The following LSM14B variants were observed in gnomAD, a reference collection of about 807,000 sequenced individuals.
LSM14B encodes the protein protein LSM14 homolog B.
A neutral mutation model predicts 42.1 loss-of-function variants in LSM14B; 8 were observed. The ratio of observed to expected loss-of-function variants is 0.19; its 90% CI spans 0.11 to 0.34. The LOEUF (loss-of-function observed/expected upper bound fraction) is 0.34. Among genes scored for constraint, LSM14B ranks in the 10% least tolerant of loss-of-function variants. LSM14B has a pLI of 1.00. For synonymous variants in LSM14B, 219 were observed against 209.7 expected, an observed-to-expected ratio of 1.04 and a Z score of -0.38; for missense variants, 396 against 513.1, an observed-to-expected ratio of 0.77 and a Z score of 2.21.
At chr20:62,128,835 TCA>T in intron 3 of LSM14B, 16 of 790,940 alleles carry the variant, frequency 2.0e-5, no homozygotes, top group Admixed American at 6.7e-5. Context: ...ATTTTTTTTT[TCA>T]TTTCTATTCC....
chr20:62,131,318 CCCT>C (rs2056759321), intron 6 of LSM14B, 35 bp from the exon 7 acceptor site: 1 of 1,557,874 alleles, frequency 6.4e-7, no homozygotes, highest in South Asian at 1.2e-5. Context: ...TGCGCTCTGC[CCCT>C]CCTCCATCTC....
At chr20:62,128,824 A>AG in intron 3 of LSM14B, 1 of 711,472 alleles carries the variant, frequency 1.4e-6, no homozygotes, top group Non-Finnish European at 2.1e-6. Context: ...TTCTACAGTC[A>AG]ATTTTTTTTT....
In LSM14B at chr20:62,133,408, G is replaced by A; in HGVS notation, c.1105G>A (p.Gly369Arg). 6.2e-7 allele frequency: 1 copy of A among 1,613,320 alleles called. No individual in the cohort carries two copies. The highest frequency in any genetic ancestry group is 8.5e-7 in the Non-Finnish European group (1 of 1,179,662). The change falls in exon 8 of 9, where the codon GGG becomes AGG. Residue 369 changes from glycine to arginine, a missense_variant. Transcript: ENST00000279068. ...RGGFRGGRGN[G>R]TTRRNPTSHR... ...CGGATTCCGAGGAGGCAGGGGCAAT[G>A]GGACCACCCGTCGCAACCCCACTTC...
intron 3 of LSM14B, among the ~76,000 whole-genome samples, chr20:62,129,237 C>G (rs1046780922): frequency 4.6e-5 from 7 of 152,156 alleles, no homozygotes; most frequent in African/African-American, 1.4e-4. Context: ...CCTGCTTCAT[C>G]ATTTTTAGTT....
In LSM14B at chr20:62,130,180, T is replaced by C; in HGVS notation, c.596-39T>C. 1 of 1,561,548 alleles carries C rather than the reference T, an allele frequency of 6.4e-7. No homozygotes were observed. The highest frequency in any genetic ancestry group is 2.4e-5 in the East Asian group (1 of 41,632). On this transcript the variant is annotated intron_variant, in intron 4 of 8. Coordinates refer to ENST00000279068, the MANE Select transcript of LSM14B (RefSeq NM_144703.3). The surrounding 1 kb of genome is among the most constrained non-coding windows in gnomAD (Gnocchi z 4.1). ...CAGCTGGGTTCTGGCTTCCGGCTGC[T>C]ATAGGAGCTTTGCCTTACTCTTCCC...
At position 62,130,726 on chromosome 20, in the gene LSM14B, A is replaced by C. The variant is rs774965179; in HGVS notation, c.835+35A>C. 3 of 1,602,188 alleles carry C rather than the reference A, an allele frequency of 1.9e-6. No individual in the cohort carries two copies. Among genetic ancestry groups the C allele is most frequent in the East Asian group, 4.5e-5 (2 of 44,834 alleles). On this transcript the variant is annotated intron_variant, in intron 6 of 8. Transcript: ENST00000279068. The surrounding 1 kb of genome is among the most constrained non-coding windows in gnomAD (Gnocchi z 4.1). The stretch of plus-strand genomic sequence containing the variant: ...ATTATATGAAAATTATTCTCTGCAC[A>C]GGAGTACCCCTAGAGAGTGTTAGGA...
intron 8 of LSM14B, among the ~76,000 whole-genome samples, chr20:62,133,844 T>C (rs1293975359): frequency 1.3e-5 from 2 of 152,200 alleles, no homozygotes; most frequent in Admixed American, 1.3e-4. Flanking sequence ...GAGGCTTCAT[T>C]TTTAACCAGG....
At chr20:62,131,974 C>T (rs1251689654) in intron 7 of LSM14B, among the ~76,000 whole-genome samples, 1 of 152,202 alleles carries the variant, frequency 6.6e-6, no homozygotes, top group Non-Finnish European at 1.5e-5. Flanking sequence ...AACAGCTGGT[C>T]AGAAGTCCCG....
rs1361333875 is a variant in LSM14B, at chr20:62,122,858, C to T, written c.127+65C>T. On this transcript the variant is annotated intron_variant, in intron 1 of 8. Coordinates refer to ENST00000279068, the MANE Select transcript of LSM14B (RefSeq NM_144703.3). This position sits in a 1 kb window ranked among gnomAD's most constrained non-coding sequence, Gnocchi z 4.6. ...CGCCAACAGCCCCGGCCTGCGGTGC[C>T]CTCCCCGCCCCGGGGCGCCCCGGAG... The T allele has an allele frequency of 8.4e-6, 11 of 1,308,192 alleles. No homozygotes were observed. The highest frequency in any genetic ancestry group is 4.7e-5 in the African/African-American group (3 of 63,500). The allele number at this position is 1,308,192 out of a possible 1,614,324, so 81.0% of individuals were successfully genotyped here.
chr20:62,122,887 G>A lies in LSM14B; in HGVS notation c.127+94G>A. 8.6e-7 allele frequency: 1 copy of A among 1,167,786 alleles called. No homozygotes were observed. Among genetic ancestry groups the A allele is most frequent in the Non-Finnish European group, 1.1e-6 (1 of 923,934 alleles). 72.3% of individuals were successfully genotyped at this position (1,167,786 alleles called of 1,614,324 possible). A position where few individuals can be genotyped will look rare whatever the true frequency, so the allele number is the denominator to read the frequency against. On this transcript the variant is annotated intron_variant, in intron 1 of 8. Transcript: ENST00000279068. The surrounding 1 kb of genome is among the most constrained non-coding windows in gnomAD (Gnocchi z 4.6). The stretch of plus-strand genomic sequence containing the variant: ...CCCGCCCCGGGGCGCCCCGGAGCCT[G>A]GCGCCCAGACCCCGCCCAGAACCCA...
At chr20:62,127,899 C>T (rs998028308) in intron 3 of LSM14B, 5 of 698,026 alleles carry the variant, frequency 7.2e-6, no homozygotes, top group East Asian at 5.4e-5. Context: ...GAAGAATCAG[C>T]GGAGTAGTTT....
chr20:62,124,861 A>T, intron 2 of LSM14B, 81 bp downstream of exon 2: 2 of 1,416,528 alleles, frequency 1.4e-6, no homozygotes, highest in Non-Finnish European at 1.9e-6. Flanking sequence ...TTTGGTCAGA[A>T]CGCTCAATGT....
intron 8 of LSM14B, 136 bp from the exon 9 acceptor site, chr20:62,134,027 G>A: frequency 2.8e-6 from 1 of 353,028 alleles, no homozygotes; most frequent in Non-Finnish European, 5.6e-6. Flanking sequence ...GATTCTCAGA[G>A]TGGGTTGTGA....
intron 2 of LSM14B, 51 bp from the exon 3 acceptor site, chr20:62,126,253 C>G (rs531243723): frequency 6.2e-7 from 1 of 1,612,690 alleles, no homozygotes; most frequent in African/African-American, 1.3e-5. Flanking sequence ...TGAAGGCGTG[C>G]GGGGTGATGG....
intron 3 of LSM14B, chr20:62,128,032 G>T: frequency 1.7e-6 from 1 of 584,722 alleles, no homozygotes; most frequent in Non-Finnish European, 3.1e-6. Flanking sequence ...ATGTGTTCCA[G>T]AGTGCTGCAG....
Position 62,126,301 on chromosome 20 carries a change from C to T in LSM14B, c.292-3C>T, listed in dbSNP as rs186180148. ...CGTTCTCACCCGATGTCTCGTTGTT[C>T]AGTCTTCCCTGGGTTCTGCCTCCGC... is the stretch of plus-strand genomic sequence containing the variant. On this transcript the variant is annotated splice_region_variant and splice_polypyrimidine_tract_variant and intron_variant, in intron 2 of 8. Coordinates refer to ENST00000279068, the MANE Select transcript of LSM14B (RefSeq NM_144703.3). The T allele has an allele frequency of 1.2e-5, 19 of 1,613,972 alleles. No individual in the cohort carries two copies. Among genetic ancestry groups the T allele is most frequent in the Non-Finnish European group, 1.4e-5 (16 of 1,179,902 alleles).
intron 3 of LSM14B, among the ~76,000 whole-genome samples, chr20:62,128,367 C>T (rs1006592314): frequency 1.3e-5 from 2 of 152,260 alleles, no homozygotes; most frequent in African/African-American, 2.4e-5. Context: ...CGCCATTACC[C>T]GGCCCTGGTC....
At position 62,122,644 on chromosome 20, in the gene LSM14B, C is replaced by T; in HGVS notation, c.-23C>T. On this transcript the variant is annotated 5_prime_UTR_variant, in exon 1 of 9. Transcript: ENST00000279068. This position sits in a 1 kb window ranked among gnomAD's most constrained non-coding sequence, Gnocchi z 4.6. ...GCCCGGCGCTCCTTCCCCACCGCGG[C>T]CCGACGCACCCCGGCCGCCGCCATG... 5.1e-6 allele frequency: 7 copies of T among 1,360,040 alleles called. No homozygotes were observed. The highest frequency in any genetic ancestry group is 1.4e-5 in the South Asian group (1 of 70,626). 84.2% of individuals were successfully genotyped at this position (1,360,040 alleles called of 1,614,324 possible).
In LSM14B at chr20:62,126,326, C is replaced by T; in HGVS notation, c.314C>T (p.Ala105Val). The change falls in exon 3 of 9, where the codon GCC becomes GTC. Residue 105 changes from alanine to valine, a missense_variant. By Grantham distance (64) the Ala-to-Val change is moderately conservative. This residue lies in a region of LSM14B where 274 missense variants were observed against 335.8 expected (regional missense o/e 0.82). Coordinates refer to ENST00000279068, the MANE Select transcript of LSM14B (RefSeq NM_144703.3). ...IVQSSLGSASASPFQPHVPYS... is the reference protein window; with the variant it reads ...IVQSSLGSASVSPFQPHVPYS... ...CAGTCTTCCCTGGGTTCTGCCTCCGCCTCGCCCTTCCAGCCGCACGTGCCT... is the reference window on the plus strand; with the variant it reads ...CAGTCTTCCCTGGGTTCTGCCTCCGTCTCGCCCTTCCAGCCGCACGTGCCT... 4 of 1,613,880 alleles carry T rather than the reference C, an allele frequency of 2.5e-6. No homozygotes were observed. Among genetic ancestry groups the T allele is most frequent in the Non-Finnish European group, 3.4e-6 (4 of 1,179,902 alleles).
Sources: gnomAD v4.1 joint callset for allele counts (sites outside exome capture counted in the v4.1 genomes callset) on GRCh38, gnomAD v4.1.1 for gene constraint, gnomAD v4.1.1 regional missense constraint, Gnocchi (gnomAD v3.1) non-coding constraint, MANE v1.5 for transcripts, NCBI Gene and HGNC (gene_info 2026-07-23, HGNC 2026-07-21) for gene names.